The following ZNF385A variants were observed in gnomAD, a reference collection of about 807,000 sequenced individuals.
The protein encoded by ZNF385A is zinc finger protein 385A.
In ZNF385A, 14 loss-of-function variants were observed where a neutral mutation model predicts 32.1. That is an observed-to-expected ratio of 0.44 (90% CI 0.29 to 0.68). ZNF385A has a LOEUF of 0.68. Ranked by LOEUF, ZNF385A falls within the 30% of genes least tolerant of loss-of-function variation. The pLI, the probability that ZNF385A is intolerant of heterozygous loss-of-function variation, is 0.14. For missense variants in ZNF385A, 406 were observed against 478.4 expected (o/e 0.85, Z 1.41); for synonymous variants, 197 against 202.7 (o/e 0.97, Z 0.24).
intron 3 of ZNF385A, among the ~76,000 whole-genome samples, chr12:54,373,605 G>C (rs1954676878): frequency 6.6e-6 from 1 of 152,170 alleles, no homozygotes; most frequent in South Asian, 2.1e-4. Flanking sequence ...CAGTAGGGCA[G>C]GAACTCAGAT....
intron 1 of ZNF385A, among the ~76,000 whole-genome samples, chr12:54,390,964 G>A (rs1955623453): frequency 1.3e-5 from 2 of 152,050 alleles, no homozygotes; most frequent in South Asian, 2.1e-4. Flanking sequence ...TCATGAATAC[G>A]CAATGTTCTA....
At chr12:54,388,008 T>C (rs1955537406), upstream of ZNF385A, among the ~76,000 whole-genome samples, 1 of 151,120 alleles carries the variant, frequency 6.6e-6, no homozygotes, top group African/African-American at 2.4e-5. Context: ...CCAGGCAGGT[T>C]TGGCAGAAGA....
chr12:54,376,062 C>T, intron 1 of ZNF385A, 108 bp from the exon 2 acceptor site: 2 of 792,182 alleles, frequency 2.5e-6, no homozygotes, highest in Admixed American at 4.2e-5. Flanking sequence ...CCCTTCTATC[C>T]CTTAATATGC....
chr12:54,381,225 A>C (rs1367012467), intron 1 of ZNF385A: 1 of 146,014 alleles, frequency 6.8e-6, no homozygotes. Context: ...AGAAAAAAAG[A>C]AAAAAAGAAA....
intron 1 of ZNF385A, among the ~76,000 whole-genome samples, chr12:54,380,516 C>T (rs1030595201): frequency 6.6e-6 from 1 of 152,156 alleles, no homozygotes; most frequent in Non-Finnish European, 1.5e-5. Flanking sequence ...TTCTGCAGTC[C>T]TCATTCCCCT....
intron 1 of ZNF385A, chr12:54,379,219 G>A (rs1269314040): frequency 6.1e-6 from 6 of 982,610 alleles, no homozygotes; most frequent in Admixed American, 6.2e-5. Flanking sequence ...AGAAGGGGAG[G>A]CGGCGCTGGC....
In ZNF385A at chr12:54,370,581, C is replaced by A; in HGVS notation, c.870+45G>T. 6.4e-7 allele frequency: 1 copy of A among 1,559,468 alleles called. No individual in the cohort carries two copies. Among genetic ancestry groups the A allele is most frequent in the East Asian group, 2.4e-5 (1 of 41,884 alleles). On this transcript the variant is annotated intron_variant, in intron 6 of 6. Coordinates refer to ENST00000394313, the MANE Select transcript of ZNF385A (RefSeq NM_015481.3). The surrounding 1 kb of genome is among the most constrained non-coding windows in gnomAD (Gnocchi z 5.5). ...AAAGCCCGCGTCCCTCTCTCCTCCC[C>A]GCCCGCGCCCTCCCACTGCTGAATT...
upstream of ZNF385A, among the ~76,000 whole-genome samples, chr12:54,386,168 G>C (rs1955470969): frequency 6.9e-6 from 1 of 144,740 alleles, no homozygotes; most frequent in African/African-American, 2.7e-5. Flanking sequence ...ATGGGGTGGA[G>C]AGAGGACACA....
rs1954452094 is a variant in ZNF385A, at chr12:54,370,352, A to T, written c.1005T>A (p.Pro335=). 2 of 1,503,940 alleles carry T rather than the reference A, an allele frequency of 1.3e-6. No homozygotes were observed. The highest frequency in any genetic ancestry group is 4.9e-5 in the East Asian group (2 of 41,016). The allele number at this position is 1,503,940 out of a possible 1,614,324, so 93.2% of individuals were successfully genotyped here. A position where few individuals can be genotyped will look rare whatever the true frequency, so the allele number is the denominator to read the frequency against. ...GAGTGATCGGCGGTCCCTGGAGAAG[A>T]GGTGCGGCTGGAGCCGGGCGCAGGG... ...PLSLRPAPAA[P]LLQGPPITHP... The change falls in exon 7 of 7, where the codon CCT becomes CCA. Residue 335 remains proline (P), a synonymous_variant. Coordinates refer to ENST00000394313, the MANE Select transcript of ZNF385A (RefSeq NM_015481.3). This position sits in a 1 kb window ranked among gnomAD's most constrained non-coding sequence, Gnocchi z 5.5.
At chr12:54,371,810 G>A (rs1954569391) in intron 3 of ZNF385A, 95 bp from the exon 4 acceptor site, 5 of 1,549,320 alleles carry the variant, frequency 3.2e-6, no homozygotes, top group Non-Finnish European at 4.4e-6. Flanking sequence ...TGGAGGGCAA[G>A]GGACCAGGAG....
Position 54,369,991 on chromosome 12 carries a change from G to A in ZNF385A, c.*265C>T. The A allele has an allele frequency of 5.2e-6, 2 of 387,228 alleles. No homozygotes were observed. Among genetic ancestry groups the A allele is most frequent in the Non-Finnish European group, 9.2e-6 (2 of 217,068 alleles). The allele number at this position is 387,228 out of a possible 1,614,324, so 24.0% of individuals were successfully genotyped here. A position where few individuals can be genotyped will look rare whatever the true frequency, so the allele number is the denominator to read the frequency against. On this transcript the variant is annotated 3_prime_UTR_variant, in exon 7 of 7. Coordinates refer to ENST00000394313, the MANE Select transcript of ZNF385A (RefSeq NM_015481.3). Reference sequence around the variant, plus strand: ...TTTGGGAGGGGGGGTGTCTCCAAGGGGGCTCGGGGGTGAGACGGCCCCCCC... The same window carrying A: ...TTTGGGAGGGGGGGTGTCTCCAAGGAGGCTCGGGGGTGAGACGGCCCCCCC...
At chr12:54,375,188 C>T (rs927441442) in intron 2 of ZNF385A, among the ~76,000 whole-genome samples, 5 of 152,104 alleles carry the variant, frequency 3.3e-5, no homozygotes, top group Non-Finnish European at 7.4e-5. Context: ...GCCTGCACCC[C>T]ACAAAGTCCC....
intron 1 of ZNF385A, among the ~76,000 whole-genome samples, chr12:54,377,297 C>T (rs1049602781): frequency 6.6e-6 from 1 of 152,198 alleles, no homozygotes; most frequent in African/African-American, 2.4e-5. Context: ...TGGGTTCAGA[C>T]AACTGGTCTG....
At chr12:54,375,062 T>A (rs1018028983) in intron 2 of ZNF385A, among the ~76,000 whole-genome samples, 1 of 114,062 alleles carries the variant, frequency 8.8e-6, no homozygotes, top group African/African-American at 2.7e-5. Context: ...AGCCCAGTAG[T>A]ATGGAGTGTG....
rs926229211 is a variant in ZNF385A, at chr12:54,382,832, C to CTT, written c.87+1594_87+1595dup. On this transcript the variant is annotated intron_variant, in intron 1 of 6. Coordinates refer to ENST00000394313, the MANE Select transcript of ZNF385A (RefSeq NM_015481.3). ...TACTGGTATGCCAAATCACCATATC[C>CTT]TTTTTTTTTTAAAAAAAATATTTAT... Among the ~76,000 whole-genome samples the CTT allele has an allele frequency of 4.0e-5, 6 of 148,540 alleles. 1 individual carries two copies. The highest frequency in any genetic ancestry group is 1.3e-4 in the African/African-American group (5 of 39,702).
exon 1 of ZNF385A, chr12:54,391,263 C>T (rs1319151084): frequency 1.8e-6 from 2 of 1,095,392 alleles, no homozygotes; most frequent in South Asian, 1.9e-5. Flanking sequence ...CCCAGGCGCC[C>T]GGGGTTCCGC....
upstream of ZNF385A, chr12:54,385,607 C>G (rs1387946216): frequency 3.0e-6 from 3 of 984,680 alleles, no homozygotes; most frequent in Non-Finnish European, 3.6e-6. Context: ...CCTCCCTTGA[C>G]TTTACTAGAG....
intron 1 of ZNF385A, chr12:54,379,357 G>A (rs1264947762): frequency 7.9e-6 from 2 of 252,278 alleles, no homozygotes; most frequent in Non-Finnish European, 1.3e-5. Flanking sequence ...CCATTATCCA[G>A]ACACTCCTAG....
chr12:54,390,507 G>C (rs1173031802), intron 1 of ZNF385A, among the ~76,000 whole-genome samples: 6 of 152,092 alleles, frequency 3.9e-5, no homozygotes, highest in Admixed American at 2.6e-4. Flanking sequence ...GAAGAAGGAA[G>C]TGAGGAAAGA....
Sources: gnomAD v4.1 joint callset for allele counts (sites outside exome capture counted in the v4.1 genomes callset) on GRCh38, gnomAD v4.1.1 for gene constraint, Gnocchi (gnomAD v3.1) non-coding constraint, MANE v1.5 for transcripts, NCBI Gene and HGNC (gene_info 2026-07-23, HGNC 2026-07-21) for gene names.